The following HERC5 variants were observed in gnomAD, a reference collection of about 807,000 sequenced individuals.
HERC5 encodes the protein E3 ISG15--protein ligase HERC5.
In HERC5, 99 loss-of-function variants were observed where a neutral mutation model predicts 119.6. The observed-to-expected ratio is 0.83, with a 90% CI of 0.70 to 0.98. The LOEUF is 0.98. Ranked by LOEUF, HERC5 falls within the 50% of genes least tolerant of loss-of-function variation. The probability of loss-of-function intolerance (pLI) is 0.00; values close to 1 mark genes in which losing one functional copy is unlikely to be tolerated. For synonymous variants in HERC5, 478 were observed against 445.9 expected, an observed-to-expected ratio of 1.07 and a Z score of -0.91; for missense variants, 1,267 against 1,241.3, an observed-to-expected ratio of 1.02 and a Z score of -0.31.
intron 1 of HERC5, among the ~76,000 whole-genome samples, chr4:88,458,808 A>T (rs1273855122): frequency 2.0e-5 from 3 of 152,198 alleles, no homozygotes; most frequent in Non-Finnish European, 4.4e-5. Context: ...CACTAATGCC[A>T]ATGAAAAATG....
Position 88,500,973 on chromosome 4 carries a change from A to G in HERC5, c.2570A>G (p.Asn857Ser). ...LIPNGSSITV[N>S]QTNKRDYVSK... ...CCTAATGGAAGTAGCATAACTGTCA[A>G]CCAGACTAACAAGTAGGTACAAAAA... The change falls in exon 20 of 23, where the codon AAC (asparagine) becomes AGC (serine). Residue 857 changes from asparagine to serine, a missense_variant. Physicochemically the swap from Asn to Ser is conservative, Grantham distance 46. Around this residue, in one of 3 missense-constraint regions of HERC5, gnomAD observed 473 missense variants for 445.7 expected, o/e 1.06. Coordinates refer to ENST00000264350, the MANE Select transcript of HERC5 (RefSeq NM_016323.4). 1 of 1,610,062 alleles carries G rather than the reference A, an allele frequency of 6.2e-7. No individual in the cohort carries two copies. Among genetic ancestry groups the G allele is most frequent in the Non-Finnish European group, 8.5e-7 (1 of 1,178,020 alleles).
At chr4:88,468,471 C>A in intron 8 of HERC5, 49 bp downstream of exon 8, 1 of 1,298,080 alleles carries the variant, frequency 7.7e-7, no homozygotes, top group Non-Finnish European at 1.1e-6. Context: ...TTAAGCAAAA[C>A]TAAGGGTTCT....
intron 13 of HERC5, among the ~76,000 whole-genome samples, chr4:88,485,914 T>C (rs1741444699): frequency 2.6e-5 from 4 of 152,144 alleles, no homozygotes; most frequent in Admixed American, 2.6e-4. Flanking sequence ...CATTACATCA[T>C]CAATCTCTAC....
intron 9 of HERC5, among the ~76,000 whole-genome samples, chr4:88,470,219 C>A (rs749426686): frequency 1.3e-5 from 2 of 152,136 alleles, no homozygotes; most frequent in Non-Finnish European, 2.9e-5. Context: ...TGAAACTGAG[C>A]ATACTCCTTC....
At chr4:88,486,077 A>T in intron 13 of HERC5, 38 bp from the exon 14 acceptor site, 1 of 1,310,690 alleles carries the variant, frequency 7.6e-7, no homozygotes, top group South Asian at 1.3e-5. Flanking sequence ...AATTGTCTTT[A>T]AATATAAAAC....
At chr4:88,476,637 C>A (rs1469131461) in intron 12 of HERC5, among the ~76,000 whole-genome samples, 1 of 152,126 alleles carries the variant, frequency 6.6e-6, no homozygotes. Context: ...AACATGGAAT[C>A]TGGCCGGGCA....
At position 88,494,290 on chromosome 4, in the gene HERC5, A is replaced by G. The variant is rs771382559; in HGVS notation, c.2403A>G (p.Pro801=). 9 of 1,613,342 alleles carry G rather than the reference A, an allele frequency of 5.6e-6. No homozygotes were observed. The highest frequency in any genetic ancestry group is 3.3e-5 in the Admixed American group (2 of 59,876). ...ALFKKLLDQM[P]SLEDLKELSP... The stretch of plus-strand genomic sequence containing the variant: ...TTAAGAAACTTTTGGACCAAATGCC[A>G]TCATTGGAAGACTTGAAAGAACTCA... Residue 801 remains proline (P), a synonymous_variant, in exon 18 of 23, where the codon CCA becomes CCG. Transcript: ENST00000264350.
chr4:88,467,068 A>T lies in HERC5; in HGVS notation c.921A>T (p.Thr307=), dbSNP rs1044711442. 3 of 1,614,016 alleles carry T rather than the reference A, an allele frequency of 1.9e-6. No homozygotes were observed. The African/African-American group carries it at 4.0e-5, about 22-fold the overall frequency. Residue 307 remains threonine, a synonymous_variant, in exon 7 of 23, where the codon ACA becomes ACT. Coordinates refer to ENST00000264350, the MANE Select transcript of HERC5 (RefSeq NM_016323.4). ...TGCTTTTATTTAATAGGTGGCACAC[A>T]CTTGCCTATGTTTCTGATTTGGGAA... ...VTQIACGRWH[T]LAYVSDLGKV...
At chr4:88,471,330 A>G (rs1298408996) in intron 10 of HERC5, among the ~76,000 whole-genome samples, 1 of 150,138 alleles carries the variant, frequency 6.7e-6, no homozygotes, top group South Asian at 2.1e-4. Context: ...ATTTTATTCT[A>G]TCTTTTTTGG....
intron 6 of HERC5, 40 bp downstream of exon 6, chr4:88,464,025 G>A (rs753859865): frequency 2.7e-5 from 42 of 1,546,842 alleles, no homozygotes; most frequent in Non-Finnish European, 3.4e-5. Context: ...TAAAATGAGT[G>A]CAGCAAACTA....
In HERC5 at chr4:88,457,481, C is replaced by T. The variant is rs368506162; in HGVS notation, c.212C>T (p.Ala71Val). Residue 71 changes from alanine to valine, a missense_variant, in exon 1 of 23, where the codon GCG becomes GTG. This residue lies in a region of HERC5 where 777 missense variants were observed against 758.0 expected (regional missense o/e 1.03). Coordinates refer to ENST00000264350, the MANE Select transcript of HERC5 (RefSeq NM_016323.4). Reference sequence around the variant, plus strand: ...CTCGCGGTCTTGGAACGCGGCGGGGCGGGCGTCCAGGTTCACCAGCTGCTC... The same window carrying T: ...CTCGCGGTCTTGGAACGCGGCGGGGTGGGCGTCCAGGTTCACCAGCTGCTC... ...GRLAVLERGG[A>V]GVQVHQLLAG... 65 of 1,321,262 alleles carry T rather than the reference C, an allele frequency of 4.9e-5. No individual in the cohort carries two copies. Among genetic ancestry groups the T allele is most frequent in the Non-Finnish European group, 4.9e-5 (51 of 1,036,414 alleles). The allele number at this position is 1,321,262 out of a possible 1,614,324, so 81.8% of individuals were successfully genotyped here. A position where few individuals can be genotyped will look rare whatever the true frequency, so the allele number is the denominator to read the frequency against.
intron 1 of HERC5, chr4:88,457,975 A>G: frequency 6.0e-6 from 6 of 992,030 alleles, no homozygotes; most frequent in Non-Finnish European, 6.0e-6. Context: ...CTTCTCCCAC[A>G]TTCTCATCGA....
chr4:88,494,363 T>C (rs1481644062), intron 18 of HERC5, 32 bp downstream of exon 18: 2 of 1,571,036 alleles, frequency 1.3e-6, no homozygotes, highest in Non-Finnish European at 1.7e-6. Flanking sequence ...GAAAGGACCC[T>C]TTCTAACATA....
At chr4:88,483,481 A>T (rs992405429) in intron 13 of HERC5, among the ~76,000 whole-genome samples, 1 of 148,914 alleles carries the variant, frequency 6.7e-6, no homozygotes, top group Non-Finnish European at 1.5e-5. Flanking sequence ...CCGAAGTGCA[A>T]GGATTACCCG....
intron 19 of HERC5, 47 bp from the exon 20 acceptor site, chr4:88,500,868 T>C (rs373148226): frequency 1.5e-6 from 2 of 1,349,076 alleles, no homozygotes; most frequent in African/African-American, 2.9e-5. Flanking sequence ...TGATAGATTG[T>C]TCAGAATTAT....
intron 13 of HERC5, among the ~76,000 whole-genome samples, chr4:88,482,179 G>A (rs1191855767): frequency 3.3e-5 from 5 of 151,908 alleles, no homozygotes; most frequent in Non-Finnish European, 7.4e-5. Flanking sequence ...GTGTGGTGGC[G>A]TATGCCTGTA....
intron 3 of HERC5, 76 bp from the exon 4 acceptor site, chr4:88,462,059 G>A: frequency 4.3e-6 from 5 of 1,165,050 alleles, no homozygotes; most frequent in Non-Finnish European, 6.3e-6. Flanking sequence ...ACTAGGTAGA[G>A]CATGCATAAT....
chr4:88,481,659 C>T (rs1473312857), intron 13 of HERC5, among the ~76,000 whole-genome samples: 1 of 152,064 alleles, frequency 6.6e-6, no homozygotes. Flanking sequence ...ATATTTTAGG[C>T]TTTATGAGGC....
intron 16 of HERC5, among the ~76,000 whole-genome samples, chr4:88,492,131 G>A (rs1741659336): frequency 6.6e-6 from 1 of 151,940 alleles, no homozygotes; most frequent in Admixed American, 6.6e-5. Flanking sequence ...AGCCTCCTGA[G>A]TAGCTGGGAT....
Sources: allele counts gnomAD v4.1 joint callset (sites outside exome capture counted in the v4.1 genomes callset), GRCh38; gene constraint gnomAD v4.1.1; regional missense constraint gnomAD v4.1.1; transcripts MANE v1.5; gene names NCBI Gene and HGNC (gene_info 2026-07-23, HGNC 2026-07-21).